The following MGAM variants were observed in gnomAD, a reference collection of about 807,000 sequenced individuals.
MGAM encodes the protein maltase-glucoamylase.
MGAM carries 253 observed loss-of-function variants against 358.8 expected under a neutral mutation model. The ratio of observed to expected loss-of-function variants is 0.71; its 90% CI spans 0.64 to 0.78. The LOEUF (loss-of-function observed/expected upper bound fraction) is 0.78. Ranked by LOEUF, MGAM falls within the 30% of genes least tolerant of loss-of-function variation. MGAM has a pLI of 0.00. For missense variants in MGAM, 3,080 were observed against 3,432.6 expected (o/e 0.90, Z 2.57); for synonymous variants, 1,105 against 1,227.1 (o/e 0.90, Z 2.08).
intron 2 of MGAM, among the ~76,000 whole-genome samples, chr7:141,988,426 GC>G (rs1803803462): frequency 6.6e-6 from 1 of 151,954 alleles, no homozygotes; most frequent in Non-Finnish European, 1.5e-5. Flanking sequence ...GTGCAGTGGC[GC>G]AATCTGGGCT....
intron 69 of MGAM, 140 bp from the exon 70 acceptor site, chr7:142,103,129 A>T: frequency 1.3e-6 from 1 of 760,948 alleles, no homozygotes; most frequent in Admixed American, 3.0e-5. Context: ...TGATGAAATC[A>T]TGATTTCCAT....
intron 3 of MGAM, among the ~76,000 whole-genome samples, chr7:142,012,836 C>T (rs1584915139): frequency 1.3e-5 from 2 of 152,192 alleles, no homozygotes; most frequent in African/African-American, 2.4e-5. Context: ...AGACTGACTG[C>T]ACCCTCTTCC....
At chr7:142,097,305 A>G (rs1816010072) in intron 65 of MGAM, among the ~76,000 whole-genome samples, 1 of 151,896 alleles carries the variant, frequency 6.6e-6, no homozygotes, top group Admixed American at 6.6e-5. Context: ...TGTCTCTTTA[A>G]GAGGGAATGG....
rs932178727 is a variant in MGAM at position 142,091,649 on chromosome 7, C to T, written c.6811-264C>T. The stretch of plus-strand genomic sequence containing the variant: ...CATCGAATGCATGAGGTCACTAGTT[C>T]GGGTCATTGATTGTCATCATCCATG... On this transcript the variant is annotated intron_variant, in intron 57 of 70. Coordinates refer to ENST00000475668, the MANE Select transcript of MGAM (RefSeq NM_001365693.1). Among the ~76,000 whole-genome samples, 4 of 146,154 alleles carry T rather than the reference C, an allele frequency of 2.7e-5. 1 individual carries two copies. Among genetic ancestry groups the T allele is most frequent in the African/African-American group, 4.9e-5 (2 of 41,070 alleles).
At chr7:142,065,942 T>TG (rs111279055) in intron 40 of MGAM, 111 bp downstream of exon 40, 2 of 838,460 alleles carry the variant, frequency 2.4e-6, no homozygotes, top group South Asian at 1.9e-5. Context: ...TAAAAAAAGG[T>TG]GTTTTTTTTT....
chr7:142,065,767 T>C lies in MGAM; in HGVS notation c.4706T>C (p.Val1569Ala). ...CAAGACGCTGAGTACGAGATGTGTG[T>C]TCGCTGGATGCAGCTGGGGGCCTTT... ...FFQDAEYEMC[V>A]RWMQLGAFYP... The change falls in exon 40 of 71, where the codon GTT becomes GCT. Residue 1569 changes from valine (V) to alanine (A), a missense_variant. By Grantham distance (64) the Val-to-Ala change is moderately conservative. Around this residue, in one of 5 missense-constraint regions of MGAM, gnomAD observed 134 missense variants for 198.4 expected, o/e 0.68. Coordinates refer to ENST00000475668, the MANE Select transcript of MGAM (RefSeq NM_001365693.1). 1 of 1,556,146 alleles carries C rather than the reference T, an allele frequency of 6.4e-7. No individual in the cohort carries two copies. The highest frequency in any genetic ancestry group is 8.8e-7 in the Non-Finnish European group (1 of 1,132,572).
rs575377433 is a variant in MGAM, at chr7:142,064,460, C to T, written c.4422C>T (p.Ser1474=). 22 of 1,595,510 alleles carry T rather than the reference C, an allele frequency of 1.4e-5. No homozygotes were observed. Among genetic ancestry groups the T allele is most frequent in the Non-Finnish European group, 1.9e-5 (22 of 1,171,044 alleles). ...MESQQILPDG[S]LVQHYNVHNL... is the part of the protein sequence containing the mutation. Reference sequence around the variant, plus strand: ...GTCAGCAGATCCTCCCAGACGGCTCCCTGGTGCAGCACTACAACGTGCACA... The same window carrying T: ...GTCAGCAGATCCTCCCAGACGGCTCTCTGGTGCAGCACTACAACGTGCACA... Residue 1474 remains serine, a synonymous_variant, in exon 37 of 71, where the codon TCC becomes TCT. Coordinates refer to ENST00000475668, the MANE Select transcript of MGAM (RefSeq NM_001365693.1).
intron 7 of MGAM, among the ~76,000 whole-genome samples, chr7:142,024,677 C>A (rs1380427859): frequency 1.3e-5 from 2 of 152,122 alleles, no homozygotes; most frequent in African/African-American, 4.8e-5. Flanking sequence ...ATCTAGTTAC[C>A]TGATTCATAT....
intron 34 of MGAM, 34 bp downstream of exon 34, chr7:142,060,407 G>A: frequency 6.2e-7 from 1 of 1,607,618 alleles, no homozygotes; most frequent in Non-Finnish European, 8.5e-7. Context: ...GGTGGAGTCA[G>A]GGTTTGTAGG....
At chr7:141,994,641 C>T (rs181121214), upstream of MGAM, among the ~76,000 whole-genome samples, 11 of 152,278 alleles carry the variant, frequency 7.2e-5, no homozygotes, top group Admixed American at 6.5e-4. Flanking sequence ...ATTGTAATCC[C>T]CATAATCCCC....
intron 64 of MGAM, chr7:142,096,110 A>G (rs770413490): frequency 4.9e-6 from 3 of 618,118 alleles, no homozygotes; most frequent in Admixed American, 5.8e-5. Flanking sequence ...GTATTTTACA[A>G]GAGAGAATAC....
intron 47 of MGAM, among the ~76,000 whole-genome samples, chr7:142,077,508 A>C (rs561327499): frequency 6.9e-6 from 1 of 145,966 alleles, no homozygotes; most frequent in Non-Finnish European, 1.5e-5. Context: ...GATAAGAAAA[A>C]TATATGGAAA....
chr7:142,098,460 G>T (rs1199462994), intron 66 of MGAM, among the ~76,000 whole-genome samples: 1 of 152,090 alleles, frequency 6.6e-6, no homozygotes, highest in African/African-American at 2.4e-5. Context: ...AGGGGTACAA[G>T]CAGGGATACA....
chr7:142,050,672 A>G (rs62477572), intron 23 of MGAM, 25 bp from the exon 24 acceptor site: 903,191 of 1,600,306 alleles, frequency 0.56, 261,352 homozygotes, highest in Middle Eastern at 0.63. Flanking sequence ...ACCTTTATGC[A>G]TACTTGGACT....
intron 21 of MGAM, among the ~76,000 whole-genome samples, chr7:142,042,798 A>G (rs1211594437): frequency 2.7e-5 from 2 of 75,456 alleles, no homozygotes; most frequent in Non-Finnish European, 2.3e-5. Flanking sequence ...ATATATACAT[A>G]TAATATCTAA....
rs746403814 is a variant in MGAM at position 142,091,951 on chromosome 7, T to G, written c.6849T>G (p.Arg2283=). The change falls in exon 58 of 71, where the codon CGT becomes CGG. Residue 2283 remains arginine (R), a synonymous_variant. Coordinates refer to ENST00000475668, the MANE Select transcript of MGAM (RefSeq NM_001365693.1). ...ATGTGGCCTTCCCAGACTTTTTCCG[T>G]AATTCAACTGCCAAGTGGTGGAAGA... ...RAYVAFPDFF[R]NSTAKWWKRE... 3.3e-6 allele frequency: 5 copies of G among 1,531,450 alleles called. No homozygotes were observed. The African/African-American group carries it at 4.0e-5, about 12-fold the overall frequency. 94.9% of individuals were successfully genotyped at this position (1,531,450 alleles called of 1,614,324 possible). A position where few individuals can be genotyped will look rare whatever the true frequency, so the allele number is the denominator to read the frequency against.
At chr7:141,991,036 G>C (rs75208614), upstream of MGAM, among the ~76,000 whole-genome samples, 3,301 of 152,306 alleles carry the variant, frequency 0.022, 110 homozygotes, top group African/African-American at 0.076. Flanking sequence ...GGCTTGACCA[G>C]ACTGCCTGGC....
At chr7:142,077,444 C>T (rs553188122) in intron 47 of MGAM, among the ~76,000 whole-genome samples, 1 of 145,496 alleles carries the variant, frequency 6.9e-6, no homozygotes, top group African/African-American at 2.4e-5. Context: ...GATTTTATTA[C>T]TCCAGACGTG....
At position 142,052,692 on chromosome 7, in the gene MGAM, G is replaced by A. The variant is rs531795622; in HGVS notation, c.2959-92G>A. On this transcript the variant is annotated intron_variant, in intron 25 of 70. Transcript: ENST00000475668. ...TGATAAGTGATGGGCTAGTTTTATC[G>A]TCATATAAAATGACTTTACTAACCC... 4.3e-4 allele frequency: 640 copies of A among 1,483,548 alleles called. 12 individuals carry two copies. In the South Asian group the frequency reaches 5.5e-3, roughly 13 times the overall value. The allele number at this position is 1,483,548 out of a possible 1,614,324, so 91.9% of individuals were successfully genotyped here.
Sources: allele counts gnomAD v4.1 joint callset (sites outside exome capture counted in the v4.1 genomes callset), GRCh38; gene constraint gnomAD v4.1.1; regional missense constraint gnomAD v4.1.1; transcripts MANE v1.5; gene names NCBI Gene and HGNC (gene_info 2026-07-23, HGNC 2026-07-21).